Variants in PCLO observed in about 807,000 individuals in gnomAD.
The protein encoded by PCLO is piccolo presynaptic cytomatrix protein.
PCLO carries 82 observed loss-of-function variants against 427.5 expected under a neutral mutation model. The observed-to-expected ratio is 0.19, with a 90% CI of 0.16 to 0.23. The LOEUF is 0.23. Ranked by LOEUF, PCLO falls within the 10% of genes least tolerant of loss-of-function variation. PCLO has a pLI of 1.00. For missense variants in PCLO, 6,239 were observed against 6,115.9 expected (o/e 1.02, Z -0.67); for synonymous variants, 2,357 against 2,155.4 (o/e 1.09, Z -2.59).
chr7:82,972,006 A>G lies in PCLO; in HGVS notation c.3301-5519T>C, dbSNP rs551229280. Among the ~76,000 whole-genome samples the G allele has an allele frequency of 4.6e-5, 7 of 151,940 alleles. No individual in the cohort carries two copies. The East Asian group carries it at 1.4e-3, about 29-fold the overall frequency. ...TATCATTAAATATAAACAAACTCAG[A>G]GGCCTCCAAATTATGAGACCAATCA... On this transcript the variant is annotated intron_variant, in intron 3 of 24. Coordinates refer to ENST00000333891, the MANE Select transcript of PCLO (RefSeq NM_033026.6).
At chr7:82,972,111 T>C (rs1261178591) in intron 3 of PCLO, among the ~76,000 whole-genome samples, 2 of 151,968 alleles carry the variant, frequency 1.3e-5, no homozygotes, top group Non-Finnish European at 2.9e-5. Context: ...ACAAGTAGAA[T>C]ATGTAAAATA....
rs1790548870 is a variant in PCLO, at chr7:83,096,740, T to TTATTATATAAATTATATAAATATATTATA, written c.3300+37481_3300+37509dup. On this transcript the variant is annotated intron_variant, in intron 3 of 24. Transcript: ENST00000333891. ...CCTAAATGGAAAGCTCCAATCTTTT[T>TTATTATATAAATTATATAAATATATTATA]TATTATATAAATTATATAAATATAT... Among the ~76,000 whole-genome samples the TTATTATATAAATTATATAAATATATTATA allele has an allele frequency of 1.0e-4, 13 of 126,892 alleles. No individual in the cohort carries two copies. The South Asian group carries it at 2.5e-3, about 24-fold the overall frequency. 83.2% of individuals were successfully genotyped at this position (126,892 alleles called of 152,430 possible). A position where few individuals can be genotyped will look rare whatever the true frequency, so the allele number is the denominator to read the frequency against.
At chr7:82,948,051 A>G (rs1336858943) in intron 6 of PCLO, among the ~76,000 whole-genome samples, 1 of 152,176 alleles carries the variant, frequency 6.6e-6, no homozygotes, top group Non-Finnish European at 1.5e-5. Flanking sequence ...AGTTGTTCAC[A>G]TAACTCTTTA....
intron 6 of PCLO, among the ~76,000 whole-genome samples, chr7:82,920,444 T>A (rs370071861): frequency 4.0e-5 from 6 of 151,632 alleles, no homozygotes; most frequent in Admixed American, 2.6e-4. Context: ...ACTGGATATA[T>A]AAATTTAAAG....
intron 20 of PCLO, among the ~76,000 whole-genome samples, chr7:82,817,625 CTCT>C (rs1791704531): frequency 6.6e-6 from 1 of 152,128 alleles, no homozygotes; most frequent in African/African-American, 2.4e-5. Context: ...GGATATGAAA[CTCT>C]TCTTTGACAG....
intron 23 of PCLO, 49 bp from the exon 24 acceptor site, chr7:82,760,833 C>G (rs200401673): frequency 9.7e-7 from 1 of 1,026,694 alleles, no homozygotes; most frequent in Admixed American, 3.0e-5. Flanking sequence ...ATATAAATTT[C>G]TATTGAAAGA....
chr7:82,938,799 CT>C (rs1379422667), intron 6 of PCLO, among the ~76,000 whole-genome samples: 2 of 151,832 alleles, frequency 1.3e-5, no homozygotes, highest in African/African-American at 4.8e-5. Flanking sequence ...ATGTTGTTTC[CT>C]TTTTCAAAGG....
rs1439836522 is a variant in PCLO at position 83,038,023 on chromosome 7, A to ATT, written c.3301-71537_3301-71536insAA. 5.1e-4 allele frequency among the ~76,000 whole-genome samples: 27 copies of ATT among 52,824 alleles called. 4 individuals are homozygous for ATT. Among genetic ancestry groups the ATT allele is most frequent in the African/African-American group, 2.8e-3 (20 of 7,020 alleles). The allele number at this position is 52,824 out of a possible 152,430, so 34.7% of individuals were successfully genotyped here. On this transcript the variant is annotated intron_variant, in intron 3 of 24. Transcript: ENST00000333891. ...TATATATATATATATATATATATAT[A>ATT]TATATATTTATATATTTATATATAT...
intron 22 of PCLO, among the ~76,000 whole-genome samples, chr7:82,762,332 A>T (rs531841500): frequency 6.6e-6 from 1 of 152,236 alleles, no homozygotes; most frequent in Admixed American, 6.6e-5. Flanking sequence ...GAGAAGGAAC[A>T]GTGTGTTCTC....
intron 3 of PCLO, among the ~76,000 whole-genome samples, chr7:83,060,159 C>T (rs1450504068): frequency 1.3e-5 from 2 of 152,264 alleles, no homozygotes; most frequent in East Asian, 3.9e-4. Context: ...AAAATCCAAA[C>T]CCAAATTAGA....
In PCLO at chr7:83,155,621, C is replaced by A; in HGVS notation, c.1020G>T (p.Lys340Asn). ...KPPAQPSGLT[K>N]PLAQQPGTVK... is the part of the protein sequence containing the mutation. ...CTGTCCCTGGTTGTTGAGCCAATGG[C>A]TTTGTTAGCCCTGAGGGCTGAGCTG... Residue 340 changes from lysine (K) to asparagine (N), a missense_variant, in exon 2 of 25, where the codon AAG becomes AAT. This residue lies in a region of PCLO where 4,677 missense variants were observed against 4,468.4 expected (regional missense o/e 1.05). Transcript: ENST00000333891. 6.2e-7 allele frequency: 1 copy of A among 1,608,184 alleles called. No individual in the cohort carries two copies. The highest frequency in any genetic ancestry group is 8.5e-7 in the Non-Finnish European group (1 of 1,178,328).
At position 82,955,372 on chromosome 7, in the gene PCLO, G is replaced by C. The variant is rs746282312; in HGVS notation, c.5581C>G (p.Pro1861Ala). The change falls in exon 5 of 25, where the codon CCT becomes GCT. Residue 1861 changes from proline to alanine, a missense_variant. By Grantham distance (27) the Pro-to-Ala change is conservative. Coordinates refer to ENST00000333891, the MANE Select transcript of PCLO (RefSeq NM_033026.6). ...CCTTCTGGGTCTGACTCTATGCTAGGTGAATATTCAGAACAAGAAGATCTA... is the reference window on the plus strand; with the variant it reads ...CCTTCTGGGTCTGACTCTATGCTAGCTGAATATTCAGAACAAGAAGATCTA... ...LHRSSCSEYS[P>A]SIESDPEGFE... 2.5e-6 allele frequency: 4 copies of C among 1,613,730 alleles called. No individual in the cohort carries two copies. The South Asian group carries it at 4.4e-5, about 18-fold the overall frequency.
At chr7:83,148,929 G>A (rs958495852) in intron 2 of PCLO, among the ~76,000 whole-genome samples, 1 of 152,158 alleles carries the variant, frequency 6.6e-6, no homozygotes, top group South Asian at 2.1e-4. Context: ...ATCCAAGTAA[G>A]GACAGTTTTA....
rs147884970 is a variant in PCLO at position 82,969,519 on chromosome 7, T to G, written c.3301-3032A>C. Among the ~76,000 whole-genome samples, 390 of 152,276 alleles carry G rather than the reference T, an allele frequency of 2.6e-3. 1 individual carries two copies. Among genetic ancestry groups the G allele is most frequent in the African/African-American group, 8.8e-3 (366 of 41,574 alleles). On this transcript the variant is annotated intron_variant, in intron 3 of 24. Transcript: ENST00000333891. The stretch of plus-strand genomic sequence containing the variant: ...TAACATAATGTTGCTATACCCAGTC[T>G]CTTGGGTGCATGACTAATTTTCATT...
At chr7:82,788,946 A>G (rs1791042969) in intron 22 of PCLO, among the ~76,000 whole-genome samples, 1 of 152,006 alleles carries the variant, frequency 6.6e-6, no homozygotes, top group Admixed American at 6.6e-5. Flanking sequence ...AAAATAACTC[A>G]ATCATTCTAT....
At chr7:82,846,070 T>C (rs1792493419) in intron 12 of PCLO, among the ~76,000 whole-genome samples, 1 of 152,154 alleles carries the variant, frequency 6.6e-6, no homozygotes, top group Non-Finnish European at 1.5e-5. Context: ...TTGTAGATTA[T>C]ATTTGTTATT....
intron 3 of PCLO, among the ~76,000 whole-genome samples, chr7:82,991,545 AATATAT>A (rs1440601573): frequency 5.3e-5 from 8 of 152,134 alleles, no homozygotes; most frequent in Non-Finnish European, 1.2e-4. Context: ...CTGAGATAAC[AATATAT>A]TTAAATAAAC....
At chr7:83,048,573 C>A (rs1789158347) in intron 3 of PCLO, among the ~76,000 whole-genome samples, 1 of 152,152 alleles carries the variant, frequency 6.6e-6, no homozygotes, top group South Asian at 2.1e-4. Context: ...TTCCCCCCAA[C>A]TCCACACTAA....
At chr7:82,767,328 T>A (rs566762251) in intron 22 of PCLO, among the ~76,000 whole-genome samples, 1 of 152,220 alleles carries the variant, frequency 6.6e-6, no homozygotes, top group Admixed American at 6.5e-5. Flanking sequence ...AAGATATTTA[T>A]CCTATAATGT....
Sources: allele counts gnomAD v4.1 joint callset (sites outside exome capture counted in the v4.1 genomes callset), GRCh38; gene constraint gnomAD v4.1.1; regional missense constraint gnomAD v4.1.1; transcripts MANE v1.5; gene names NCBI Gene and HGNC (gene_info 2026-07-23, HGNC 2026-07-21).